CCDC144A: variants seen among roughly 807,000 people sequenced by gnomAD.
CCDC144A encodes coiled-coil domain-containing protein 144A.
A neutral mutation model predicts 143.8 loss-of-function variants in CCDC144A; 41 were observed. The observed-to-expected ratio is 0.29, with a 90% CI of 0.22 to 0.37. The LOEUF is 0.37. CCDC144A is among the 10% of genes least tolerant of loss of function. The probability of loss-of-function intolerance (pLI) is 1.00; values close to 1 mark genes in which losing one functional copy is unlikely to be tolerated. For synonymous variants in CCDC144A, 242 were observed against 517.9 expected (o/e 0.47, Z 7.23); for missense variants, 637 against 1,488.8 (o/e 0.43, Z 9.41).
At chr17:16,719,158 C>A (rs1178894872) in intron 6 of CCDC144A, among the ~76,000 whole-genome samples, 2 of 151,424 alleles carry the variant, frequency 1.3e-5, no homozygotes, top group Non-Finnish European at 2.9e-5. Flanking sequence ...AATATTTAAT[C>A]AAGTTGACCT....
intron 12 of CCDC144A, among the ~76,000 whole-genome samples, chr17:16,753,409 C>A (rs1384782651): frequency 1.6e-5 from 1 of 60,960 alleles, no homozygotes; most frequent in Non-Finnish European, 4.5e-5. Flanking sequence ...TCTACAATTT[C>A]TTTTGTCAGT....
chr17:16,678,475 G>A, the CCDC144A span, among the ~76,000 whole-genome samples: 50 of 152,002 alleles, frequency 3.3e-4, no homozygotes, highest in Non-Finnish European at 5.7e-4. Context: ...TTGTTTTTCA[G>A]AAACCCGAAG....
At chr17:16,689,009 C>G (rs1021087276), upstream of CCDC144A, among the ~76,000 whole-genome samples, 9 of 152,138 alleles carry the variant, frequency 5.9e-5, no homozygotes, top group Non-Finnish European at 1.3e-4. Flanking sequence ...GTGAGCAGCG[C>G]AGGATCTAGG....
At chr17:16,676,053 A>T in the CCDC144A span, among the ~76,000 whole-genome samples, 1 of 152,044 alleles carries the variant, frequency 6.6e-6, no homozygotes, top group Non-Finnish European at 1.5e-5. Flanking sequence ...CGGCCCACGC[A>T]GGGACTTTAA....
chr17:16,702,333 A>G (rs1240253364), intron 2 of CCDC144A, among the ~76,000 whole-genome samples: 4 of 152,110 alleles, frequency 2.6e-5, no homozygotes, highest in Admixed American at 6.5e-5. Flanking sequence ...GATCTTTCCA[A>G]TGGTTCTGTC....
intron 12 of CCDC144A, among the ~76,000 whole-genome samples, chr17:16,742,541 C>T (rs1914305149): frequency 6.6e-6 from 1 of 151,904 alleles, no homozygotes; most frequent in Non-Finnish European, 1.5e-5. Context: ...TACTGGTATC[C>T]CTTTGATATG....
the CCDC144A span, among the ~76,000 whole-genome samples, chr17:16,678,989 G>A: frequency 6.6e-6 from 1 of 151,850 alleles, no homozygotes; most frequent in Admixed American, 6.6e-5. Context: ...CCCAACGTCA[G>A]GTGATCCGCC....
the CCDC144A span, among the ~76,000 whole-genome samples, chr17:16,681,045 G>T: frequency 3.4e-3 from 511 of 152,054 alleles, 3 homozygotes; most frequent in African/African-American, 0.012. Flanking sequence ...TAATGAAGTT[G>T]CATATATATT....
intron 2 of CCDC144A, among the ~76,000 whole-genome samples, chr17:16,697,561 G>A (rs567541850): frequency 6.6e-6 from 1 of 152,302 alleles, no homozygotes; most frequent in South Asian, 2.1e-4. Context: ...TCTGTTGTGA[G>A]GTTTTCACCC....
At chr17:16,667,374 C>CTGAGGCGGCTGAGGGGT in the CCDC144A span, among the ~76,000 whole-genome samples, 5 of 149,294 alleles carry the variant, frequency 3.3e-5, no homozygotes, top group African/African-American at 1.2e-4. Context: ...GGCTGAGGGG[C>CTGAGGCGGCTGAGGGGT]TGAGGCTGGT....
At chr17:16,704,419 C>T (rs1318460497) in intron 2 of CCDC144A, among the ~76,000 whole-genome samples, 1 of 152,102 alleles carries the variant, frequency 6.6e-6, no homozygotes, top group East Asian at 1.9e-4. Flanking sequence ...TGCGCCATTG[C>T]ACTCCAGCCT....
chr17:16,678,402 G>A, the CCDC144A span, among the ~76,000 whole-genome samples: 1 of 152,012 alleles, frequency 6.6e-6, no homozygotes, highest in Non-Finnish European at 1.5e-5. Flanking sequence ...AAGGCAGTTA[G>A]AGTTGTGAGA....
chr17:16,770,418 G>A (rs1447252589), intron 15 of CCDC144A, among the ~76,000 whole-genome samples: 1 of 152,184 alleles, frequency 6.6e-6, no homozygotes, highest in Non-Finnish European at 1.5e-5. Flanking sequence ...CAAAGTGCTG[G>A]GATTACAGGT....
chr17:16,751,863 A>G (rs1273629880), intron 12 of CCDC144A, among the ~76,000 whole-genome samples: 1 of 152,220 alleles, frequency 6.6e-6, no homozygotes, highest in Admixed American at 6.5e-5. Context: ...GGGAGCACTT[A>G]GCTCGCACTC....
intron 6 of CCDC144A, among the ~76,000 whole-genome samples, chr17:16,718,198 C>A (rs1400678884): frequency 2.0e-5 from 3 of 152,154 alleles, no homozygotes; most frequent in Admixed American, 1.3e-4. Context: ...TAAATAATTG[C>A]TGTGGAATCC....
the CCDC144A span, among the ~76,000 whole-genome samples, chr17:16,679,274 T>C: frequency 6.6e-6 from 1 of 152,076 alleles, no homozygotes; most frequent in Non-Finnish European, 1.5e-5. Context: ...ATGATATAGA[T>C]ATGGATAGGT....
At chr17:16,681,743 C>T in the CCDC144A span, among the ~76,000 whole-genome samples, 1 of 151,804 alleles carries the variant, frequency 6.6e-6, no homozygotes, top group Admixed American at 6.6e-5. Flanking sequence ...GCCTATAATC[C>T]AGCCACTCGG....
At chr17:16,753,433 T>G (rs1219532864) in intron 12 of CCDC144A, among the ~76,000 whole-genome samples, 10 of 121,104 alleles carry the variant, frequency 8.3e-5, no homozygotes, top group East Asian at 2.5e-4. Context: ...TTGTAGTTTT[T>G]TTTTTTTTTT....
chr17:16,763,171 G>C lies in CCDC144A; in HGVS notation c.3887+638G>C, dbSNP rs148096460. On this transcript the variant is annotated intron_variant, in intron 14 of 16. Coordinates refer to ENST00000399273, the MANE Select transcript of CCDC144A (RefSeq NM_001382000.1). Reference sequence around the variant, plus strand: ...CTAAGTGATAAAAAAATAACACCTTGGTCAGCCTGAGGCGGTATATGGAAG... The same window carrying C: ...CTAAGTGATAAAAAAATAACACCTTCGTCAGCCTGAGGCGGTATATGGAAG... Among the ~76,000 whole-genome samples, 904 of 150,946 alleles carry C rather than the reference G, an allele frequency of 6.0e-3. 12 individuals are homozygous for C. Among genetic ancestry groups the C allele is most frequent in the African/African-American group, 0.021 (866 of 40,506 alleles).
Sources: gnomAD v4.1 joint callset for allele counts (sites outside exome capture counted in the v4.1 genomes callset) on GRCh38, gnomAD v4.1.1 for gene constraint, MANE v1.5 for transcripts, NCBI Gene and HGNC (gene_info 2026-07-23, HGNC 2026-07-21) for gene names.